Variants in ZNHIT3 observed in about 807,000 individuals in gnomAD.
The protein encoded by ZNHIT3 is zinc finger HIT-type containing 3.
A neutral mutation model predicts 19.9 loss-of-function variants in ZNHIT3; 27 were observed. That is an observed-to-expected ratio of 1.36 (90% CI 1.00 to 1.87). The LOEUF is 1.87. Among genes scored for constraint, ZNHIT3 ranks in the 40% most tolerant of loss-of-function variants. The pLI is 0.00. For missense variants in ZNHIT3, 215 were observed against 185.6 expected, an observed-to-expected ratio of 1.16 and a Z score of -0.92; for synonymous variants, 81 against 65.7, an observed-to-expected ratio of 1.23 and a Z score of -1.13.
chr17:36,495,712 T>TA lies in ZNHIT3; in HGVS notation c.*311dup, dbSNP rs1946141408. On this transcript the variant is annotated 3_prime_UTR_variant, in exon 5 of 5. Coordinates refer to ENST00000617429, the MANE Select transcript of ZNHIT3 (RefSeq NM_004773.4). ...ATCAAGCTTACACTTCATATGGAGT[T>TA]AAACTTGGTCAGTGTTAATAAAATC... The TA allele has an allele frequency of 8.0e-7, 1 of 1,252,826 alleles. No homozygotes were observed. Among genetic ancestry groups the TA allele is most frequent in the African/African-American group, 1.5e-5 (1 of 64,896 alleles). The allele number at this position is 1,252,826 out of a possible 1,614,324, so 77.6% of individuals were successfully genotyped here. A position where few individuals can be genotyped will look rare whatever the true frequency, so the allele number is the denominator to read the frequency against.
downstream of ZNHIT3, chr17:36,498,079 T>C (rs2071166291): frequency 1.7e-6 from 1 of 594,636 alleles, no homozygotes; most frequent in Non-Finnish European, 2.8e-6. Context: ...CTCTGGAAGA[T>C]TCCCAGTTAT....
chr17:36,493,831 G>A lies in ZNHIT3; in HGVS notation c.206-95G>A, dbSNP rs183386055. On this transcript the variant is annotated intron_variant, in intron 3 of 4. Transcript: ENST00000617429. ...ATACCCCTATCACTATCACATGTGC[G>A]TGCACACATTTTTATCCTGTTCAAG... The A allele has an allele frequency of 7.0e-5, 58 of 834,104 alleles. No individual in the cohort carries two copies. In the Middle Eastern group the frequency reaches 1.1e-3, roughly 16 times the overall value. 51.7% of individuals were successfully genotyped at this position (834,104 alleles called of 1,614,324 possible).
intron 2 of ZNHIT3, chr17:36,492,493 T>G (rs554140204): frequency 6.9e-6 from 2 of 291,930 alleles, no homozygotes; most frequent in East Asian, 6.6e-5. Context: ...CCTAGTTTTA[T>G]CCCATCTGGT....
intron 3 of ZNHIT3, 113 bp from the exon 4 acceptor site, chr17:36,493,813 T>G: frequency 1.4e-6 from 1 of 734,292 alleles, no homozygotes; most frequent in Non-Finnish European, 2.4e-6. Context: ...TGAATACCCC[T>G]ATCACTATCA....
Position 36,495,300 on chromosome 17 carries a change from G to T in ZNHIT3, c.364G>T (p.Asp122Tyr). 6.2e-7 allele frequency: 1 copy of T among 1,613,866 alleles called. No individual in the cohort carries two copies. Among genetic ancestry groups the T allele is most frequent in the Non-Finnish European group, 8.5e-7 (1 of 1,179,974 alleles). The change falls in exon 5 of 5, where the codon GAC becomes TAC. Residue 122 changes from aspartate to tyrosine, a missense_variant. Asp to Tyr is a radical substitution (Grantham distance 160, BLOSUM62 -3). Coordinates refer to ENST00000617429, the MANE Select transcript of ZNHIT3 (RefSeq NM_004773.4). The stretch of plus-strand genomic sequence containing the variant: ...GATGGTCAACCTCGATCAGGGAGAA[G>T]ACAAAGCAAAGCTCATGAGAGCTTA... The part of the protein sequence containing the change: ...QLMVNLDQGE[D>Y]KAKLMRAYMQ...
rs780481605 is a variant in ZNHIT3 at position 36,486,920 on chromosome 17, C to T, written c.87-15C>T. ...CCCTCGGGGCTGACGCGGCCTGTGG[C>T]CTCTGTTGTTACAGCTGCTCGGTAG... On this transcript the variant is annotated splice_polypyrimidine_tract_variant and intron_variant, in intron 1 of 4. Coordinates refer to ENST00000617429, the MANE Select transcript of ZNHIT3 (RefSeq NM_004773.4). 13 of 1,608,568 alleles carry T rather than the reference C, an allele frequency of 8.1e-6. No individual in the cohort carries two copies. The highest frequency in any genetic ancestry group is 1.7e-4 in the Middle Eastern group (1 of 6,050).
downstream of ZNHIT3, chr17:36,495,950 TGACA>T (rs775668434): frequency 1.3e-4 from 124 of 961,816 alleles, no homozygotes; most frequent in Admixed American, 3.5e-4. Context: ...CCCAGTGTAG[TGACA>T]GACAGTCATG....
At chr17:36,498,572 A>G (rs376203338), downstream of ZNHIT3, 232 of 1,602,436 alleles carry the variant, frequency 1.4e-4, no homozygotes, top group Non-Finnish European at 1.8e-4. Context: ...TAAAAAGCAA[A>G]TATCCCTTTA....
chr17:36,490,761 G>T lies in ZNHIT3; in HGVS notation c.119-2052G>T, dbSNP rs546795072. The T allele has an allele frequency of 1.7e-4, 26 of 152,220 alleles. No individual in the cohort carries two copies. The East Asian group carries it at 4.6e-3, about 27-fold the overall frequency. The allele number at this position is 152,220 out of a possible 1,614,324, so 9.4% of individuals were successfully genotyped here. A position where few individuals can be genotyped will look rare whatever the true frequency, so the allele number is the denominator to read the frequency against. ...TTGCTGCTATAGGCAGTGTTAAAGT[G>T]GTATTTAATAAATAATTTTTATCAG... On this transcript the variant is annotated intron_variant, in intron 2 of 4. Coordinates refer to ENST00000617429, the MANE Select transcript of ZNHIT3 (RefSeq NM_004773.4).
chr17:36,496,834 G>A (rs143557032), downstream of ZNHIT3, among the ~76,000 whole-genome samples: 9 of 152,254 alleles, frequency 5.9e-5, no homozygotes, highest in Admixed American at 2.0e-4. Context: ...GACAGGCTCC[G>A]AGAAAATGTG....
chr17:36,486,977 T>A lies in ZNHIT3; in HGVS notation c.118+11T>A. On this transcript the variant is annotated intron_variant, in intron 2 of 4. Coordinates refer to ENST00000617429, the MANE Select transcript of ZNHIT3 (RefSeq NM_004773.4). ...TCCGGAAGCACAAAGGTGAGCCCCG[T>A]CCCCGCCAGCCCTCGTACCACTGCG... 6.2e-7 allele frequency: 1 copy of A among 1,610,612 alleles called. No individual in the cohort carries two copies. Among genetic ancestry groups the A allele is most frequent in the Non-Finnish European group, 8.5e-7 (1 of 1,179,338 alleles).
Position 36,487,108 on chromosome 17 carries a change from C to T in ZNHIT3, c.118+142C>T, listed in dbSNP as rs985814421. 51 of 1,140,368 alleles carry T rather than the reference C, an allele frequency of 4.5e-5. No individual in the cohort carries two copies. In the African/African-American group the frequency reaches 6.6e-4, roughly 15 times the overall value. 70.6% of individuals were successfully genotyped at this position (1,140,368 alleles called of 1,614,324 possible). The stretch of plus-strand genomic sequence containing the variant: ...CGCGGGTTCTGCAGGAACCTTGCTT[C>T]CTCTGACTTGGTCCCTGGTGTCTCT... On this transcript the variant is annotated intron_variant, in intron 2 of 4. Transcript: ENST00000617429.
chr17:36,495,494 G>C lies in ZNHIT3; in HGVS notation c.*90G>C. 2 of 1,428,294 alleles carry C rather than the reference G, an allele frequency of 1.4e-6. No individual in the cohort carries two copies. The highest frequency in any genetic ancestry group is 1.8e-6 in the Non-Finnish European group (2 of 1,093,322). The allele number at this position is 1,428,294 out of a possible 1,614,324, so 88.5% of individuals were successfully genotyped here. On this transcript the variant is annotated 3_prime_UTR_variant, in exon 5 of 5. Transcript: ENST00000617429. ...CCAGACCAGCTAGTTTGGGGCTGGGGAGCTCAGGCAAAAGAGGTTTCCAGG... is the reference window on the plus strand; with the variant it reads ...CCAGACCAGCTAGTTTGGGGCTGGGCAGCTCAGGCAAAAGAGGTTTCCAGG...
chr17:36,491,750 G>C (rs1400042274), intron 2 of ZNHIT3: 1 of 151,970 alleles, frequency 6.6e-6, no homozygotes, highest in Non-Finnish European at 1.5e-5. Flanking sequence ...GAGCACCTTA[G>C]ACACAAATGT....
downstream of ZNHIT3, chr17:36,498,104 TCCAAA>T (rs2071169530): frequency 2.9e-6 from 2 of 692,276 alleles, no homozygotes; most frequent in Non-Finnish European, 2.3e-6. Context: ...AAATAAATAA[TCCAAA>T]CCTGCAGCTG....
At chr17:36,496,498 A>C (rs572854052), downstream of ZNHIT3, 1 of 1,233,504 alleles carries the variant, frequency 8.1e-7, no homozygotes, top group African/African-American at 1.5e-5. Flanking sequence ...AAATGCAAGA[A>C]GGTATGGACA....
chr17:36,496,804 G>A (rs902726654), downstream of ZNHIT3, among the ~76,000 whole-genome samples: 1 of 152,152 alleles, frequency 6.6e-6, no homozygotes, highest in African/African-American at 2.4e-5. Context: ...GCAGTAGGTT[G>A]AGTATTAGCC....
At chr17:36,498,992 G>T, downstream of ZNHIT3, 1 of 1,132,604 alleles carries the variant, frequency 8.8e-7, no homozygotes, top group Non-Finnish European at 1.3e-6. Flanking sequence ...GCATTGCAGT[G>T]GCAGAGCCAG....
rs2070905269 is a variant in ZNHIT3 at position 36,495,686 on chromosome 17, T to A, written c.*282T>A. On this transcript the variant is annotated 3_prime_UTR_variant, in exon 5 of 5. Coordinates refer to ENST00000617429, the MANE Select transcript of ZNHIT3 (RefSeq NM_004773.4). ...TACAGTTGATAGACATCATAAACGATATCAAGCTTACACTTCATATGGAGT... is the reference window on the plus strand; with the variant it reads ...TACAGTTGATAGACATCATAAACGAAATCAAGCTTACACTTCATATGGAGT... The A allele has an allele frequency of 7.9e-7, 1 of 1,265,692 alleles. No individual in the cohort carries two copies. Among genetic ancestry groups the A allele is most frequent in the African/African-American group, 1.5e-5 (1 of 65,304 alleles). The allele number at this position is 1,265,692 out of a possible 1,614,324, so 78.4% of individuals were successfully genotyped here.
Sources: allele counts gnomAD v4.1 joint callset (sites outside exome capture counted in the v4.1 genomes callset), GRCh38; gene constraint gnomAD v4.1.1; transcripts MANE v1.5; gene names NCBI Gene and HGNC (gene_info 2026-07-23, HGNC 2026-07-21).